The following SLC5A9 variants were observed in gnomAD, a reference collection of about 807,000 sequenced individuals.
The protein encoded by SLC5A9 is sodium/glucose cotransporter 4.
SLC5A9 carries 59 observed loss-of-function variants against 70.9 expected under a neutral mutation model. The ratio of observed to expected loss-of-function variants is 0.83; its 90% confidence interval spans 0.68 to 1.03. The LOEUF (loss-of-function observed/expected upper bound fraction) is 1.03. SLC5A9 is among the 50% of genes least tolerant of loss of function. SLC5A9 has a pLI of 0.00. For synonymous variants in SLC5A9, 340 were observed against 346.5 expected (o/e 0.98, Z 0.21); for missense variants, 832 against 881.1 (o/e 0.94, Z 0.71).
Position 48,237,640 on chromosome 1 carries a change from A to T in SLC5A9, c.1293-39A>T, listed in dbSNP as rs773506313. ...CTTCACCCCACACCACACCATGCCC[A>T]CCCGAGTGTGCCTCAGTGCCCTGTG... On this transcript the variant is annotated intron_variant, in intron 10 of 13. Coordinates refer to ENST00000438567, the MANE Select transcript of SLC5A9 (RefSeq NM_001011547.3). The T allele has an allele frequency of 1.9e-6, 3 of 1,603,280 alleles. No individual in the cohort carries two copies. The South Asian group carries it at 3.3e-5, about 18-fold the overall frequency.
intron 8 of SLC5A9, among the ~76,000 whole-genome samples, 189 bp downstream of exon 8, chr1:48,232,691 G>C (rs1285737116): frequency 6.6e-6 from 1 of 152,024 alleles, no homozygotes; most frequent in Non-Finnish European, 1.5e-5. Flanking sequence ...TGAGGATCCT[G>C]AGTCCAGGAG....
intron 2 of SLC5A9, among the ~76,000 whole-genome samples, chr1:48,227,321 C>A (rs1467752729): frequency 1.2e-5 from 1 of 82,206 alleles, no homozygotes; most frequent in Admixed American, 1.4e-4. Flanking sequence ...CCTGTGTGGG[C>A]GTGAGTGCAT....
chr1:48,233,786 C>A (rs776490543), intron 9 of SLC5A9, 24 bp downstream of exon 9: 2 of 1,531,890 alleles, frequency 1.3e-6, no homozygotes, highest in Admixed American at 1.7e-5. Context: ...CCCCACCCCA[C>A]CCTGCACTCT....
Position 48,239,278 on chromosome 1 carries a change from C to G in SLC5A9, c.1462-44C>G. 5 of 1,449,530 alleles carry G rather than the reference C, an allele frequency of 3.4e-6. 1 individual carries two copies. Among genetic ancestry groups the G allele is most frequent in the Non-Finnish European group, 4.8e-6 (5 of 1,049,942 alleles). 89.8% of individuals were successfully genotyped at this position (1,449,530 alleles called of 1,614,324 possible). On this transcript the variant is annotated intron_variant, in intron 11 of 13. Coordinates refer to ENST00000438567, the MANE Select transcript of SLC5A9 (RefSeq NM_001011547.3). This position sits in a 1 kb window ranked among gnomAD's most constrained non-coding sequence, Gnocchi z 4.2. The stretch of plus-strand genomic sequence containing the variant: ...GAGTAGTTTTACCTTCCTAGGGTCT[C>G]CCACCTGGATCTCACCTCAGCTCTT...
chr1:48,227,106 CAT>C (rs1644159799), intron 2 of SLC5A9, among the ~76,000 whole-genome samples: 1 of 150,830 alleles, frequency 6.6e-6, no homozygotes, highest in African/African-American at 2.5e-5. Flanking sequence ...CATATGAGGA[CAT>C]GTGCATGTGT....
In SLC5A9 at chr1:48,244,874, ATGTG is replaced by A. The variant is rs1213238481; in HGVS notation, c.1837+2260_1837+2263del. ...AACCTGTGTGTGTGTATGTATGTGTATGTGTATATATATATATATATATATATAT... is the reference window on the plus strand; with the variant it reads ...AACCTGTGTGTGTGTATGTATGTGTATATATATATATATATATATATATAT... On this transcript the variant is annotated intron_variant, in intron 13 of 13. Transcript: ENST00000438567. 4.1e-4 allele frequency among the ~76,000 whole-genome samples: 10 copies of A among 24,356 alleles called. 1 individual carries two copies. The highest frequency in any genetic ancestry group is 1.2e-3 in the African/African-American group (8 of 6,782). 16.0% of individuals were successfully genotyped at this position (24,356 alleles called of 152,430 possible).
chr1:48,241,288 G>C (rs1644387733), intron 12 of SLC5A9: 1 of 152,328 alleles, frequency 6.6e-6, no homozygotes. Flanking sequence ...GTACCCTGGT[G>C]ACATAAAGAG....
intron 2 of SLC5A9, among the ~76,000 whole-genome samples, chr1:48,227,120 TGA>T (rs779717095): frequency 4.7e-5 from 7 of 150,278 alleles, no homozygotes; most frequent in African/African-American, 7.4e-5. Context: ...TGCATGTGTG[TGA>T]GTGTATGTGT....
At chr1:48,227,166 A>AGT (rs1431137527) in intron 2 of SLC5A9, among the ~76,000 whole-genome samples, 2 of 109,488 alleles carry the variant, frequency 1.8e-5, no homozygotes, top group East Asian at 4.6e-4. Context: ...TGTGTGTCAG[A>AGT]GTGTGTGTGC....
In SLC5A9 at chr1:48,224,742, C is replaced by T. The variant is rs199760707; in HGVS notation, c.181C>T (p.Arg61Ter). Residue 61 changes from arginine to a stop codon, truncating the protein, a stop_gained, in exon 2 of 14, where the codon CGA (arginine) becomes TGA (stop). Transcript: ENST00000438567. LOFTEE classifies it high-confidence loss of function. ...VGIWSSIRAS[R>*]GTIGGYFLAG... ...TTTCCAGTCGTCCATCCGTGCAAGT[C>T]GAGGGACCATTGGCGGCTATTTCCT... 3.8e-5 allele frequency: 61 copies of T among 1,614,096 alleles called. No individual in the cohort carries two copies. The highest frequency in any genetic ancestry group is 2.3e-4 in the South Asian group (21 of 91,072).
rs769519186 is a variant in SLC5A9, at chr1:48,231,934, G to A, written c.692-12G>A. 3 of 1,613,968 alleles carry A rather than the reference G, an allele frequency of 1.9e-6. No individual in the cohort carries two copies. Among genetic ancestry groups the A allele is most frequent in the South Asian group, 2.2e-5 (2 of 91,076 alleles). On this transcript the variant is annotated splice_polypyrimidine_tract_variant and intron_variant, in intron 6 of 13. Coordinates refer to ENST00000438567, the MANE Select transcript of SLC5A9 (RefSeq NM_001011547.3). ...GGGTTTCAGGGCTGCTTCACTCACT[G>A]TCTCCTCACAGGCTTTCAGGACGTG...
In SLC5A9 at chr1:48,235,788, A is replaced by C. The variant is rs767037148; in HGVS notation, c.1201A>C (p.Ile401Leu). The change falls in exon 10 of 14, where the codon ATC (isoleucine) becomes CTC (leucine). Residue 401 changes from isoleucine to leucine, a missense_variant. Transcript: ENST00000438567. Reference sequence around the variant, plus strand: ...CGCTCTCATGAGCTCACTCACCTCCATCTTCAACAGCAGCAGCACCCTGTT... The same window carrying C: ...CGCTCTCATGAGCTCACTCACCTCCCTCTTCAACAGCAGCAGCACCCTGTT... ...MAALMSSLTS[I>L]FNSSSTLFTI... 2 of 1,614,162 alleles carry C rather than the reference A, an allele frequency of 1.2e-6. No homozygotes were observed. The highest frequency in any genetic ancestry group is 2.2e-5 in the South Asian group (2 of 91,084).
In SLC5A9 at chr1:48,237,691, G is replaced by A. The variant is rs1370087687; in HGVS notation, c.1305G>A (p.Val435=). ...ELMVVGRVFV[V]FLVVISILWI... is the part of the protein sequence containing the mutation. ...CTCTCTCTGGCAGAGTGTTTGTGGT[G>A]TTCCTGGTTGTCATCAGCATCCTCT... The change falls in exon 11 of 14, where the codon GTG becomes GTA. Residue 435 remains valine (V), a synonymous_variant. Transcript: ENST00000438567. 10 of 1,613,856 alleles carry A rather than the reference G, an allele frequency of 6.2e-6. No individual in the cohort carries two copies. The highest frequency in any genetic ancestry group is 1.6e-4 in the Middle Eastern group (1 of 6,078).
In SLC5A9 at chr1:48,231,688, C is replaced by T. The variant is rs868702520; in HGVS notation, c.691+63C>T. On this transcript the variant is annotated intron_variant, in intron 6 of 13. Coordinates refer to ENST00000438567, the MANE Select transcript of SLC5A9 (RefSeq NM_001011547.3). ...TAAATTCCTCTCTGTCCTGTCTCTG[C>T]CACCTCCACAGTTCGATTGAAACTT... The T allele has an allele frequency of 1.1e-5, 18 of 1,589,266 alleles. 1 individual carries two copies. The South Asian group carries it at 2.1e-4, about 18-fold the overall frequency.
rs560439140 is a variant in SLC5A9, at chr1:48,236,542, G to A, written c.1292+663G>A. Among the ~76,000 whole-genome samples the A allele has an allele frequency of 8.5e-5, 13 of 152,304 alleles. No homozygotes were observed. The South Asian group carries it at 2.3e-3, about 27-fold the overall frequency. On this transcript the variant is annotated intron_variant, in intron 10 of 13. Coordinates refer to ENST00000438567, the MANE Select transcript of SLC5A9 (RefSeq NM_001011547.3). ...CATAACTTGGTGGCTAAAATTTTTG[G>A]TTTTCCATAGGCTGGAGATTTGTAG...
In SLC5A9 at chr1:48,246,844, T is replaced by C. The variant is rs531375776; in HGVS notation, c.1838-491T>C. ...TCAGAGAAGCTGAGTGATTTGCATA[T>C]GGCCTCACAGTCAGCTAATGGCAGA... On this transcript the variant is annotated intron_variant, in intron 13 of 13. Transcript: ENST00000438567. Among the ~76,000 whole-genome samples, 4 of 152,342 alleles carry C rather than the reference T, an allele frequency of 2.6e-5. No individual in the cohort carries two copies. The South Asian group carries it at 6.2e-4, about 24-fold the overall frequency.
chr1:48,246,302 C>A (rs937464330), intron 13 of SLC5A9, among the ~76,000 whole-genome samples: 1 of 152,130 alleles, frequency 6.6e-6, no homozygotes, highest in South Asian at 2.1e-4. Flanking sequence ...AAATAAGTCT[C>A]TTCCCTTTCC....
chr1:48,227,374 C>A (rs1438965884), intron 2 of SLC5A9, among the ~76,000 whole-genome samples: 2 of 81,694 alleles, frequency 2.4e-5, no homozygotes, highest in Admixed American at 1.5e-4. Context: ...TGTGTGATTG[C>A]ATGTGTGAGA....
At chr1:48,228,047 CTAA>C (rs1251500557) in intron 2 of SLC5A9, 5 of 152,156 alleles carry the variant, frequency 3.3e-5, no homozygotes, top group Non-Finnish European at 7.3e-5. Flanking sequence ...GAGATCCCAT[CTAA>C]TAATAAGAGA....
Sources: allele counts gnomAD v4.1 joint callset (sites outside exome capture counted in the v4.1 genomes callset), GRCh38; gene constraint gnomAD v4.1.1; non-coding constraint Gnocchi (gnomAD v3.1); transcripts MANE v1.5; gene names NCBI Gene and HGNC (gene_info 2026-07-23, HGNC 2026-07-21).